Variants in TSPAN8 observed in about 807,000 individuals in gnomAD.
TSPAN8 encodes the protein tetraspanin 8, also known as tetraspanin-8.
A neutral mutation model predicts 32.8 loss-of-function variants in TSPAN8; 21 were observed. That is an observed-to-expected ratio of 0.64 (90% CI 0.45 to 0.92). TSPAN8 has a LOEUF of 0.92. TSPAN8 is among the 40% of genes least tolerant of loss of function. The pLI, the probability that TSPAN8 is intolerant of heterozygous loss-of-function variation, is 0.00. For missense variants in TSPAN8, 269 were observed against 281.9 expected (o/e 0.95, Z 0.33); for synonymous variants, 95 against 94.6 (o/e 1.00, Z -0.03).
At chr12:71,154,967 G>A (rs1872378567) in intron 2 of TSPAN8, among the ~76,000 whole-genome samples, 2 of 152,164 alleles carry the variant, frequency 1.3e-5, no homozygotes, top group Admixed American at 6.5e-5. Context: ...ATTAATAAGG[G>A]TAAACATTGT....
At chr12:71,137,881 A>T in intron 6 of TSPAN8, 72 bp downstream of exon 6, 1 of 1,357,350 alleles carries the variant, frequency 7.4e-7, no homozygotes, top group Non-Finnish European at 1.0e-6. Flanking sequence ...TCTTTAAGGA[A>T]GATGTTAAAA....
In TSPAN8 at chr12:71,157,984, T is replaced by A. The variant is rs1592414814; in HGVS notation, c.-164A>T. On this transcript the variant is annotated 5_prime_UTR_variant, in exon 1 of 9. The change abolishes an upstream ATG in the 5' untranslated region. Transcript: ENST00000247829. ...GGCAAGTATGTTCCTTTGCTTGTCATAGCTCCTGGGGCACTGGGCCAGGAT... is the reference window on the plus strand; with the variant it reads ...GGCAAGTATGTTCCTTTGCTTGTCAAAGCTCCTGGGGCACTGGGCCAGGAT... 3.0e-6 allele frequency: 1 copy of A among 329,548 alleles called. No individual in the cohort carries two copies. The highest frequency in any genetic ancestry group is 5.4e-5 in the East Asian group (1 of 18,636). 20.4% of individuals were successfully genotyped at this position (329,548 alleles called of 1,614,324 possible).
At chr12:71,129,295 G>T in intron 8 of TSPAN8, 36 bp downstream of exon 8, 1 of 1,502,982 alleles carries the variant, frequency 6.7e-7, no homozygotes, top group South Asian at 1.3e-5. Context: ...ACAAGCAAGG[G>T]AATAAAAGAG....
chr12:71,136,795 G>A (rs1871710986), intron 6 of TSPAN8, among the ~76,000 whole-genome samples: 1 of 152,166 alleles, frequency 6.6e-6, no homozygotes, highest in Admixed American at 6.5e-5. Context: ...GTAGCTGTTA[G>A]ACCTCCCTAA....
At chr12:71,149,021 G>A (rs1416311154) in intron 2 of TSPAN8, among the ~76,000 whole-genome samples, 2 of 152,176 alleles carry the variant, frequency 1.3e-5, no homozygotes, top group East Asian at 3.9e-4. Context: ...CTTCAGGGTG[G>A]CAATATCTTT....
intron 2 of TSPAN8, among the ~76,000 whole-genome samples, chr12:71,154,679 G>A (rs1318153712): frequency 6.6e-6 from 1 of 152,110 alleles, no homozygotes; most frequent in Admixed American, 6.6e-5. Flanking sequence ...TAAAATAGGA[G>A]CCTTGCATTT....
At chr12:71,141,174 TG>T (rs1871891599) in intron 3 of TSPAN8, among the ~76,000 whole-genome samples, 1 of 152,212 alleles carries the variant, frequency 6.6e-6, no homozygotes, top group Non-Finnish European at 1.5e-5. Flanking sequence ...AAAAGGGAAT[TG>T]GGTCAACCTC....
intron 3 of TSPAN8, among the ~76,000 whole-genome samples, chr12:71,140,547 C>T (rs1871870766): frequency 6.6e-6 from 1 of 152,110 alleles, no homozygotes; most frequent in Non-Finnish European, 1.5e-5. Context: ...AAGCCATAGT[C>T]CATAGAGTCA....
intron 2 of TSPAN8, among the ~76,000 whole-genome samples, chr12:71,154,337 A>ATAG (rs1872356294): frequency 6.7e-6 from 1 of 148,220 alleles, no homozygotes; most frequent in Non-Finnish European, 1.5e-5. Flanking sequence ...AATAATAATA[A>ATAG]TAATAATAAT....
In TSPAN8 at chr12:71,125,197, T is replaced by G; in HGVS notation, c.*137A>C. On this transcript the variant is annotated 3_prime_UTR_variant, in exon 9 of 9. Transcript: ENST00000247829. ...ATGTGTTCAATATGTCTAGAAGATA[T>G]CTGTGGTCTAGCTAGCCGAGACATT... 1.5e-6 allele frequency: 1 copy of G among 659,634 alleles called. No individual in the cohort carries two copies. Among genetic ancestry groups the G allele is most frequent in the Non-Finnish European group, 2.7e-6 (1 of 377,246 alleles). The allele number at this position is 659,634 out of a possible 1,614,324, so 40.9% of individuals were successfully genotyped here. A position where few individuals can be genotyped will look rare whatever the true frequency, so the allele number is the denominator to read the frequency against.
chr12:71,157,427 T>G lies in TSPAN8; in HGVS notation c.60+192A>C. ...TTATCCTCACATTCTGAAGTGCACT[T>G]TTTTGAGTCCTTGGCTCATTTTCAA... On this transcript the variant is annotated intron_variant, in intron 2 of 8. Coordinates refer to ENST00000247829, the MANE Select transcript of TSPAN8 (RefSeq NM_004616.3). 5.9e-6 allele frequency: 3 copies of G among 509,186 alleles called. No individual in the cohort carries two copies. The East Asian group carries it at 8.8e-5, about 15-fold the overall frequency. 31.5% of individuals were successfully genotyped at this position (509,186 alleles called of 1,614,324 possible).
At chr12:71,137,811 TTC>T in intron 6 of TSPAN8, 140 bp downstream of exon 6, 1 of 697,268 alleles carries the variant, frequency 1.4e-6, no homozygotes, top group Non-Finnish European at 2.3e-6. Flanking sequence ...TCTTAGATTT[TTC>T]TTATTGCATG....
chr12:71,128,744 A>T (rs1344899980), intron 8 of TSPAN8, among the ~76,000 whole-genome samples: 2 of 152,000 alleles, frequency 1.3e-5, no homozygotes, highest in African/African-American at 4.8e-5. Context: ...GATGAAAGTA[A>T]TACATAAGCC....
intron 6 of TSPAN8, among the ~76,000 whole-genome samples, chr12:71,136,953 C>G (rs1871716441): frequency 6.6e-6 from 1 of 152,012 alleles, no homozygotes; most frequent in Admixed American, 6.6e-5. Flanking sequence ...TTTTATGAGA[C>G]AGAGAAGTGG....
Position 71,129,271 on chromosome 12 carries a change from C to G in TSPAN8, c.660+60G>C, listed in dbSNP as rs901555915. The G allele has an allele frequency of 8.5e-6, 11 of 1,287,846 alleles. No homozygotes were observed. In the African/African-American group the frequency reaches 1.1e-4, roughly 13 times the overall value. 79.8% of individuals were successfully genotyped at this position (1,287,846 alleles called of 1,614,324 possible). On this transcript the variant is annotated intron_variant, in intron 8 of 8. Transcript: ENST00000247829. ...GTTTGTTTGTTCACCATCAATATTTCTTGAAATTAATGAACAAGCAAGGGA... is the reference window on the plus strand; with the variant it reads ...GTTTGTTTGTTCACCATCAATATTTGTTGAAATTAATGAACAAGCAAGGGA...
chr12:71,129,612 T>A (rs1006046393), intron 7 of TSPAN8, among the ~76,000 whole-genome samples, 198 bp from the exon 8 acceptor site: 1 of 152,168 alleles, frequency 6.6e-6, no homozygotes, highest in African/African-American at 2.4e-5. Context: ...TGTTTATACA[T>A]TGAAAAGCAA....
chr12:71,130,045 T>TG (rs2137046247), intron 7 of TSPAN8, among the ~76,000 whole-genome samples: 1 of 151,788 alleles, frequency 6.6e-6, no homozygotes, highest in African/African-American at 2.4e-5. Flanking sequence ...CTTGACTTCC[T>TG]GGGCTCAAGT....
Position 71,144,152 on chromosome 12 carries a change from G to C in TSPAN8, c.122C>G (p.Ala41Gly), listed in dbSNP as rs1871995502. The part of the protein sequence containing the change: ...IWVRVSNDSQ[A>G]IFGSEDVGSS... The stretch of plus-strand genomic sequence containing the variant: ...GGTGACTTGTTTTTGCATACTTACT[G>C]CTTGAGAGTCATTGCTTACTCGTAC... The change falls in exon 3 of 9, where the codon GCA (alanine) becomes GGA (glycine). Residue 41 changes from alanine to glycine, a missense_variant and splice_region_variant. Ala to Gly is a moderately conservative substitution (Grantham distance 60). Transcript: ENST00000247829. 6.2e-7 allele frequency: 1 copy of C among 1,611,216 alleles called. No homozygotes were observed. Among genetic ancestry groups the C allele is most frequent in the Non-Finnish European group, 8.5e-7 (1 of 1,178,718 alleles).
chr12:71,155,012 A>G (rs1296714703), intron 2 of TSPAN8, among the ~76,000 whole-genome samples: 1 of 152,246 alleles, frequency 6.6e-6, no homozygotes, highest in African/African-American at 2.4e-5. Flanking sequence ...AAGGATACTT[A>G]AAGAAATACT....
Sources: gnomAD v4.1 joint callset for allele counts (sites outside exome capture counted in the v4.1 genomes callset) on GRCh38, gnomAD v4.1.1 for gene constraint, MANE v1.5 for transcripts, NCBI Gene and HGNC (gene_info 2026-07-23, HGNC 2026-07-21) for gene names.